SYT17: variants seen among roughly 807,000 people sequenced by gnomAD.
The protein encoded by SYT17 is synaptotagmin 17.
Under a neutral mutation model 46.7 loss-of-function variants are expected in SYT17, and 22 were observed. That is an observed-to-expected ratio of 0.47 (90% CI 0.34 to 0.67). SYT17 has a LOEUF of 0.67. SYT17 is among the 30% of genes least tolerant of loss of function. The pLI is 0.01. For synonymous variants in SYT17, 251 were observed against 248.4 expected, an observed-to-expected ratio of 1.01 and a Z score of -0.10; for missense variants, 519 against 612.8, an observed-to-expected ratio of 0.85 and a Z score of 1.62.
chr16:19,177,103 A>G (rs1338229516), intron 3 of SYT17, among the ~76,000 whole-genome samples: 2 of 152,198 alleles, frequency 1.3e-5, no homozygotes, highest in Admixed American at 1.3e-4. Context: ...GCTGGAGGAC[A>G]GTTGCGTTTT....
chr16:19,248,166 A>C (rs1276082003), intron 7 of SYT17, among the ~76,000 whole-genome samples: 1 of 152,210 alleles, frequency 6.6e-6, no homozygotes, highest in Non-Finnish European at 1.5e-5. Flanking sequence ...TAAAACCATA[A>C]TACATTACCA....
intron 7 of SYT17, among the ~76,000 whole-genome samples, chr16:19,249,433 G>A (rs1423288904): frequency 1.3e-5 from 2 of 152,162 alleles, no homozygotes; most frequent in African/African-American, 4.8e-5. Context: ...TGGGGAAAGA[G>A]CTATATCTTG....
chr16:19,192,520 C>T (rs757208240), intron 5 of SYT17, among the ~76,000 whole-genome samples: 20 of 152,184 alleles, frequency 1.3e-4, no homozygotes, highest in African/African-American at 4.1e-4. Flanking sequence ...GCCAGGAGTT[C>T]GAGACCAGCC....
intron 7 of SYT17, among the ~76,000 whole-genome samples, chr16:19,243,818 TC>T (rs1967319627): frequency 4.7e-5 from 1 of 21,382 alleles, no homozygotes; most frequent in African/African-American, 1.0e-4. Flanking sequence ...AAAAACTCCA[TC>T]AAAAAAAAAA....
intron 7 of SYT17, among the ~76,000 whole-genome samples, chr16:19,232,270 C>T (rs1966727412): frequency 6.6e-6 from 1 of 152,072 alleles, no homozygotes; most frequent in Admixed American, 6.5e-5. Context: ...AGACACGCCT[C>T]AATTTTTGCC....
intron 7 of SYT17, among the ~76,000 whole-genome samples, chr16:19,249,231 G>A (rs1044070024): frequency 6.6e-6 from 1 of 152,004 alleles, no homozygotes; most frequent in Admixed American, 6.6e-5. Context: ...CTGAGATCAT[G>A]CCACGGCACT....
intron 7 of SYT17, among the ~76,000 whole-genome samples, chr16:19,263,329 A>G (rs1238104167): frequency 1.3e-5 from 2 of 152,164 alleles, no homozygotes; most frequent in Admixed American, 6.5e-5. Context: ...TAAATGGATC[A>G]TAATATATGA....
rs75687362 is a variant in SYT17, at chr16:19,198,001, C to T, written c.951+13854C>T. On this transcript the variant is annotated intron_variant, in intron 5 of 7. Transcript: ENST00000355377. ...ACTTGGCTTCAAGTCTTGGCTTTGC[C>T]ATCCACTAGAGGTGTAGGCTCAGGT... is the stretch of plus-strand genomic sequence containing the variant. 4.3e-3 allele frequency among the ~76,000 whole-genome samples: 655 copies of T among 152,298 alleles called. 3 individuals are homozygous for T. The highest frequency in any genetic ancestry group is 7.8e-3 in the Non-Finnish European group (530 of 68,026).
At chr16:19,227,237 A>G (rs7189625) in intron 7 of SYT17, among the ~76,000 whole-genome samples, 117,514 of 151,816 alleles carry the variant, frequency 0.77, 45,619 homozygotes, top group East Asian at 0.88. Flanking sequence ...TTTCTCCCAC[A>G]CACATGGGGC....
At chr16:19,201,734 G>A (rs1965475002) in intron 5 of SYT17, among the ~76,000 whole-genome samples, 1 of 151,630 alleles carries the variant, frequency 6.6e-6, no homozygotes, top group African/African-American at 2.4e-5. Context: ...CCAGTATAGT[G>A]GGTAAGGGAG....
At chr16:19,199,028 A>G (rs755762546) in intron 5 of SYT17, among the ~76,000 whole-genome samples, 5 of 152,194 alleles carry the variant, frequency 3.3e-5, no homozygotes, top group Non-Finnish European at 5.9e-5. Flanking sequence ...CAGAGAGAAC[A>G]TGAAGGGCTT....
chr16:19,257,721 T>A (rs756975), intron 7 of SYT17, among the ~76,000 whole-genome samples: 14,998 of 152,096 alleles, frequency 0.099, 1,638 homozygotes, highest in East Asian at 0.36. Flanking sequence ...TTTTTTCTTT[T>A]CAGGAACAGG....
Position 19,185,526 on chromosome 16 carries a change from C to T in SYT17, c.951+1379C>T, listed in dbSNP as rs183494829. 3.1e-3 allele frequency among the ~76,000 whole-genome samples: 468 copies of T among 152,116 alleles called. 2 individuals carry two copies. The highest frequency in any genetic ancestry group is 0.011 in the African/African-American group (450 of 41,482). ...GATCTCTTGAGCCCAGAGTTTGAGG[C>T]TGCAGTGAGCTATGATCGAGCCACT... is the stretch of plus-strand genomic sequence containing the variant. On this transcript the variant is annotated intron_variant, in intron 5 of 7. Coordinates refer to ENST00000355377, the MANE Select transcript of SYT17 (RefSeq NM_016524.4).
chr16:19,171,853 T>G (rs1964107901), intron 1 of SYT17: 1 of 152,216 alleles, frequency 6.6e-6, no homozygotes, highest in Non-Finnish European at 1.5e-5. Flanking sequence ...CAAGATCTAC[T>G]TTCTTTGTTT....
rs148846554 is a variant in SYT17, at chr16:19,182,393, G to A, written c.332-1135G>A. Among the ~76,000 whole-genome samples the A allele has an allele frequency of 3.5e-3, 538 of 152,312 alleles. 6 individuals carry two copies. Among genetic ancestry groups the A allele is most frequent in the African/African-American group, 0.012 (504 of 41,568 alleles). On this transcript the variant is annotated intron_variant, in intron 4 of 7. Coordinates refer to ENST00000355377, the MANE Select transcript of SYT17 (RefSeq NM_016524.4). Reference sequence around the variant, plus strand: ...TCCGCCACTGCACTCCAGCCTGGACGATAGAGCAAGACTCTGTCTCAAAAT... The same window carrying A: ...TCCGCCACTGCACTCCAGCCTGGACAATAGAGCAAGACTCTGTCTCAAAAT...
chr16:19,171,922 A>G (rs1447396417), intron 1 of SYT17: 1 of 152,268 alleles, frequency 6.6e-6, no homozygotes, highest in Non-Finnish European at 1.5e-5. Flanking sequence ...GTTAACATGT[A>G]GTGGTACCAA....
At chr16:19,246,701 T>C (rs1469455669) in intron 7 of SYT17, among the ~76,000 whole-genome samples, 1 of 152,226 alleles carries the variant, frequency 6.6e-6, no homozygotes, top group Non-Finnish European at 1.5e-5. Flanking sequence ...GCATCCAAAA[T>C]GTATATGCTT....
rs186780754 is a variant in SYT17, at chr16:19,188,031, T to C, written c.951+3884T>C. On this transcript the variant is annotated intron_variant, in intron 5 of 7. Coordinates refer to ENST00000355377, the MANE Select transcript of SYT17 (RefSeq NM_016524.4). ...TTGTTCTATTATAAAGACACATGCA[T>C]GCGTTATGTTCATTGCAGCACTATT... Among the ~76,000 whole-genome samples, 305 of 152,316 alleles carry C rather than the reference T, an allele frequency of 2.0e-3. 1 individual carries two copies. Among genetic ancestry groups the C allele is most frequent in the South Asian group, 0.01 (50 of 4,830 alleles).
At chr16:19,239,669 G>A (rs1966945956) in intron 7 of SYT17, among the ~76,000 whole-genome samples, 1 of 152,226 alleles carries the variant, frequency 6.6e-6, no homozygotes, top group Non-Finnish European at 1.5e-5. Context: ...CTATGACATA[G>A]TGTTACGAGA....
Sources: gnomAD v4.1 joint callset for allele counts (sites outside exome capture counted in the v4.1 genomes callset) on GRCh38, gnomAD v4.1.1 for gene constraint, MANE v1.5 for transcripts, NCBI Gene and HGNC (gene_info 2026-07-23, HGNC 2026-07-21) for gene names.